GPHN: variants seen among roughly 807,000 people sequenced by gnomAD.
GPHN encodes gephyrin.
Under a neutral mutation model 95.5 loss-of-function variants are expected in GPHN, and 17 were observed. That is an observed-to-expected ratio of 0.18 (90% CI 0.12 to 0.27). The LOEUF (loss-of-function observed/expected upper bound fraction) is 0.27, where lower values mean the gene tolerates loss of function less well. GPHN is among the 10% of genes least tolerant of loss of function. The probability of loss-of-function intolerance (pLI) is 1.00; values close to 1 mark genes in which losing one functional copy is unlikely to be tolerated. For missense variants in GPHN, 660 were observed against 978.1 expected, an observed-to-expected ratio of 0.67 and a Z score of 4.34; for synonymous variants, 320 against 322.5, an observed-to-expected ratio of 0.99 and a Z score of 0.08.
At position 66,675,750 on chromosome 14, in the gene GPHN, G is replaced by C. The variant is rs111428381; in HGVS notation, c.65-5357G>C. Among the ~76,000 whole-genome samples, 531 of 152,168 alleles carry C rather than the reference G, an allele frequency of 3.5e-3. 3 individuals are homozygous for C. The highest frequency in any genetic ancestry group is 0.012 in the African/African-American group (502 of 41,540). On this transcript the variant is annotated intron_variant, in intron 1 of 22. Coordinates refer to ENST00000478722, the MANE Select transcript of GPHN (RefSeq NM_020806.5). ...GTTATTTTGTAATTTCAGGTCACAG[G>C]TTTAAATCTTTAATCCATTTTGAGT...
rs2153587611 is a variant in GPHN at position 66,965,312 on chromosome 14, G to T, written c.950G>T (p.Cys317Phe). 1 of 1,613,576 alleles carries T rather than the reference G, an allele frequency of 6.2e-7. No individual in the cohort carries two copies. The highest frequency in any genetic ancestry group is 8.5e-7 in the Non-Finnish European group (1 of 1,179,734). The part of the protein sequence containing the change: ...QATSRLSTAS[C>F]PTPKVQSRCS... ...ACATCTCGCCTCTCTACAGCTTCCT[G>T]CCCAACACCAAAAGTAAGTATGGTT... The change falls in exon 9 of 23, where the codon TGC becomes TTC. Residue 317 changes from cysteine to phenylalanine, a missense_variant. Cys to Phe is a radical substitution (Grantham distance 205). Transcript: ENST00000478722.
intron 13 of GPHN, among the ~76,000 whole-genome samples, chr14:67,106,053 A>G (rs1460376932): frequency 2.0e-5 from 3 of 152,098 alleles, no homozygotes; most frequent in African/African-American, 7.2e-5. Context: ...TTCCAGATAT[A>G]TGACTCCCTT....
chr14:66,752,813 T>TA (rs1555397905), intron 2 of GPHN, among the ~76,000 whole-genome samples: 2 of 149,238 alleles, frequency 1.3e-5, no homozygotes, highest in African/African-American at 5.0e-5. Context: ...CGAAGCACAA[T>TA]AAAAAAATGT....
At chr14:67,122,195 C>T in intron 16 of GPHN, 61 bp from the exon 17 acceptor site, 1 of 1,552,702 alleles carries the variant, frequency 6.4e-7, no homozygotes. Flanking sequence ...ATTTTTTTTT[C>T]ATTAGAAATA....
the GPHN span, chr14:67,656,548 A>G: frequency 6.2e-6 from 10 of 1,613,778 alleles, no homozygotes; most frequent in Middle Eastern, 1.6e-4. Flanking sequence ...TCAGGCTTTC[A>G]GTGCCCTGCA....
chr14:66,769,033 T>G (rs1025172692), intron 2 of GPHN, among the ~76,000 whole-genome samples: 1 of 152,010 alleles, frequency 6.6e-6, no homozygotes, highest in Non-Finnish European at 1.5e-5. Context: ...GGCAGCTATT[T>G]GTGACTTTGA....
chr14:66,707,853 G>T (rs1349265843), intron 2 of GPHN, among the ~76,000 whole-genome samples: 1 of 152,020 alleles, frequency 6.6e-6, no homozygotes, highest in Non-Finnish European at 1.5e-5. Context: ...TTCAATGTAG[G>T]TATACATTGT....
the GPHN span, chr14:67,650,699 C>A: frequency 4.3e-6 from 7 of 1,612,620 alleles, no homozygotes; most frequent in Non-Finnish European, 5.9e-6. Flanking sequence ...GGTTTTGTCA[C>A]ACTTTGTTCT....
chr14:67,683,037 T>C, the GPHN span, among the ~76,000 whole-genome samples: 1 of 152,232 alleles, frequency 6.6e-6, no homozygotes, highest in Non-Finnish European at 1.5e-5. Flanking sequence ...GGCAAATTCT[T>C]AGAGACATAA....
At chr14:67,205,056 CA>C in the GPHN span, 1 of 1,551,536 alleles carries the variant, frequency 6.4e-7, no homozygotes, top group East Asian at 2.4e-5. Context: ...TGTTTGAAAA[CA>C]ATGACTTAAT....
At chr14:67,733,780 C>T in the GPHN span, 100 of 1,613,060 alleles carry the variant, frequency 6.2e-5, no homozygotes, top group Non-Finnish European at 7.9e-5. Flanking sequence ...TCCAAGGGCC[C>T]GAAATAACAA....
At chr14:66,972,267 C>CAA (rs892888405) in intron 9 of GPHN, among the ~76,000 whole-genome samples, 18 of 46,184 alleles carry the variant, frequency 3.9e-4, no homozygotes, top group Middle Eastern at 0.026. Flanking sequence ...GAGTCTGTCT[C>CAA]AAAAAAAAAA....
the GPHN span, among the ~76,000 whole-genome samples, chr14:67,682,494 G>T: frequency 6.6e-6 from 1 of 152,036 alleles, no homozygotes; most frequent in Non-Finnish European, 1.5e-5. Context: ...ACCAAAAAGC[G>T]CATGAAAGAA....
At chr14:67,473,468 C>A in the GPHN span, 2 of 1,614,212 alleles carry the variant, frequency 1.2e-6, no homozygotes, top group Middle Eastern at 1.7e-4. The surrounding 1 kb of genome is among the most constrained non-coding windows in gnomAD (Gnocchi z 6.5). Context: ...CGCCGCTGGG[C>A]TCCCCGGGCT....
chr14:67,730,852 C>T, the GPHN span, among the ~76,000 whole-genome samples: 1 of 152,182 alleles, frequency 6.6e-6, no homozygotes, highest in Non-Finnish European at 1.5e-5. Flanking sequence ...GATCCACCTG[C>T]CTTGGCCTCC....
chr14:66,677,143 T>C (rs1235929682), intron 1 of GPHN, among the ~76,000 whole-genome samples: 4 of 152,114 alleles, frequency 2.6e-5, no homozygotes, highest in African/African-American at 7.2e-5. Flanking sequence ...TCTCATTTTT[T>C]ATTTCTGATT....
chr14:67,063,878 C>A (rs1241575962), intron 11 of GPHN, among the ~76,000 whole-genome samples: 1 of 152,180 alleles, frequency 6.6e-6, no homozygotes, highest in Non-Finnish European at 1.5e-5. Flanking sequence ...CATCTGCAAA[C>A]AGAGACAATT....
chr14:66,931,459 C>T (rs529660227), intron 8 of GPHN, among the ~76,000 whole-genome samples: 88 of 152,160 alleles, frequency 5.8e-4, no homozygotes, highest in Non-Finnish European at 9.3e-4. Context: ...CTCAGTCTCT[C>T]TCTCTCTCTC....
chr14:66,879,313 C>G (rs1324277083), intron 4 of GPHN, among the ~76,000 whole-genome samples: 1 of 150,684 alleles, frequency 6.6e-6, no homozygotes, highest in Non-Finnish European at 1.5e-5. Context: ...TGTAACAAAC[C>G]TGCACGTTCT....
Sources: gnomAD v4.1 joint callset for allele counts (sites outside exome capture counted in the v4.1 genomes callset) on GRCh38, gnomAD v4.1.1 for gene constraint, Gnocchi (gnomAD v3.1) non-coding constraint, MANE v1.5 for transcripts, NCBI Gene and HGNC (gene_info 2026-07-23, HGNC 2026-07-21) for gene names.